Variants in NSMCE2 observed in about 807,000 individuals in gnomAD.
The protein encoded by NSMCE2 is E3 SUMO-protein ligase NSE2.
NSMCE2 carries 24 observed loss-of-function variants against 23.8 expected under a neutral mutation model. The ratio of observed to expected loss-of-function variants is 1.01; its 90% CI spans 0.73 to 1.42. NSMCE2 has a LOEUF of 1.42. NSMCE2 is among the 40% of genes most tolerant of loss of function. The probability of loss-of-function intolerance (pLI) is 0.00; values close to 1 mark genes in which losing one functional copy is unlikely to be tolerated. For synonymous variants in NSMCE2, 92 were observed against 94.1 expected (o/e 0.98, Z 0.13); for missense variants, 284 against 296.5 (o/e 0.96, Z 0.31).
chr8:125,257,323 G>A (rs1220945691), intron 5 of NSMCE2, among the ~76,000 whole-genome samples: 1 of 151,542 alleles, frequency 6.6e-6, no homozygotes, highest in Non-Finnish European at 1.5e-5. Context: ...AGGAAAATGT[G>A]CCCACAAAAG....
chr8:125,325,849 G>T (rs557473397), intron 5 of NSMCE2, among the ~76,000 whole-genome samples: 1 of 152,322 alleles, frequency 6.6e-6, no homozygotes, highest in South Asian at 2.1e-4. Flanking sequence ...CTACTTGGTA[G>T]TCTGAAGCAA....
chr8:125,262,197 A>G (rs1228896235), intron 5 of NSMCE2, among the ~76,000 whole-genome samples: 2 of 152,112 alleles, frequency 1.3e-5, no homozygotes, highest in East Asian at 1.9e-4. Context: ...AGGCTGAGGC[A>G]GGTGGATCGC....
chr8:125,283,235 G>C (rs940974059), intron 5 of NSMCE2, among the ~76,000 whole-genome samples: 1 of 152,154 alleles, frequency 6.6e-6, no homozygotes, highest in African/African-American at 2.4e-5. Context: ...TTTTAATTAA[G>C]AAAACACTGA....
At chr8:125,211,721 T>A (rs904818956) in intron 5 of NSMCE2, among the ~76,000 whole-genome samples, 1 of 152,234 alleles carries the variant, frequency 6.6e-6, no homozygotes, top group Admixed American at 6.5e-5. Flanking sequence ...GAGAGCCCAT[T>A]TTTCACACAC....
At chr8:125,366,637 A>T (rs1451894153) in intron 7 of NSMCE2, 131 bp from the exon 8 acceptor site, 1 of 660,806 alleles carries the variant, frequency 1.5e-6, no homozygotes, top group Non-Finnish European at 2.7e-6. Flanking sequence ...TAAATGAATG[A>T]GCACAGCTTG....
intron 1 of NSMCE2, among the ~76,000 whole-genome samples, chr8:125,095,531 C>T (rs1817885004): frequency 6.6e-6 from 1 of 152,012 alleles, no homozygotes; most frequent in African/African-American, 2.4e-5. Context: ...GAGGTTGAGG[C>T]TGTAGCGAGC....
intron 5 of NSMCE2, among the ~76,000 whole-genome samples, chr8:125,309,481 G>A (rs182015163): frequency 6.6e-5 from 10 of 152,250 alleles, no homozygotes; most frequent in African/African-American, 1.2e-4. Flanking sequence ...CCAGCACTTC[G>A]GGAGGCCAAT....
chr8:125,336,641 G>A (rs1242303702), intron 5 of NSMCE2, among the ~76,000 whole-genome samples: 10 of 152,224 alleles, frequency 6.6e-5, no homozygotes, highest in Admixed American at 6.5e-4. Flanking sequence ...CACATGGTTG[G>A]GTTCACAGTT....
chr8:125,172,269 A>G (rs59056247), intron 4 of NSMCE2, among the ~76,000 whole-genome samples: 14,250 of 152,184 alleles, frequency 0.094, 844 homozygotes, highest in South Asian at 0.17. Flanking sequence ...GAGGTGGCAT[A>G]TCTGTATTCT....
intron 4 of NSMCE2, among the ~76,000 whole-genome samples, chr8:125,166,920 T>C (rs964978251): frequency 1.3e-5 from 2 of 152,210 alleles, no homozygotes; most frequent in Non-Finnish European, 2.9e-5. Context: ...TCCTAGCTAC[T>C]CATGAGGCCA....
intron 3 of NSMCE2, among the ~76,000 whole-genome samples, chr8:125,150,426 C>CTTTTTTTTTTTTTTTTTTTTTT (rs71295819): frequency 7.8e-4 from 48 of 61,870 alleles, no homozygotes; most frequent in East Asian, 9.5e-4. Context: ...TTCTTTCTTT[C>CTTTTTTTTTTTTTTTTTTTTTT]TTTTTTTTTT....
intron 5 of NSMCE2, among the ~76,000 whole-genome samples, chr8:125,210,674 C>G (rs1025310830): frequency 2.0e-5 from 3 of 151,988 alleles, no homozygotes; most frequent in Admixed American, 2.0e-4. Context: ...GGTGCCTTCC[C>G]AGTTTTACCT....
intron 5 of NSMCE2, among the ~76,000 whole-genome samples, chr8:125,321,011 C>T (rs769424705): frequency 8.6e-5 from 13 of 151,848 alleles, no homozygotes; most frequent in Admixed American, 4.6e-4. Context: ...TTTCAACCAC[C>T]GGATCTCACA....
intron 5 of NSMCE2, among the ~76,000 whole-genome samples, chr8:125,209,892 A>AAT (rs1243835604): frequency 6.6e-6 from 1 of 152,362 alleles, no homozygotes; most frequent in East Asian, 1.9e-4. Context: ...AAGAGAATAT[A>AAT]TCACAGAGTG....
At chr8:125,117,810 T>G (rs1430459427) in intron 3 of NSMCE2, among the ~76,000 whole-genome samples, 1 of 152,220 alleles carries the variant, frequency 6.6e-6, no homozygotes. Flanking sequence ...CTTCAGAGTC[T>G]GGGACTTTAA....
chr8:125,284,320 A>G (rs1231441846), intron 5 of NSMCE2, among the ~76,000 whole-genome samples: 2 of 152,138 alleles, frequency 1.3e-5, no homozygotes, highest in African/African-American at 4.8e-5. Context: ...AAGAGTTCCA[A>G]ACTGTGGCTG....
At chr8:125,295,814 T>G (rs1244514395) in intron 5 of NSMCE2, among the ~76,000 whole-genome samples, 2 of 152,204 alleles carry the variant, frequency 1.3e-5, no homozygotes, top group Non-Finnish European at 2.9e-5. Context: ...TCTTTGTTTT[T>G]TAAGCTCTAA....
At position 125,106,955 on chromosome 8, in the gene NSMCE2, C is replaced by T. The variant is rs569108537; in HGVS notation, c.157+4468C>T. Among the ~76,000 whole-genome samples the T allele has an allele frequency of 1.7e-4, 26 of 151,402 alleles. No individual in the cohort carries two copies. The South Asian group carries it at 2.3e-3, about 13-fold the overall frequency. On this transcript the variant is annotated intron_variant, in intron 3 of 7. Coordinates refer to ENST00000287437, the MANE Select transcript of NSMCE2 (RefSeq NM_173685.4). ...AGGTTGCAGTGAGCCGAGATCACGC[C>T]ACTGCACTCCAGCCTAAGTGAAAGG...
intron 3 of NSMCE2, among the ~76,000 whole-genome samples, chr8:125,113,695 A>G (rs1272200825): frequency 6.6e-6 from 1 of 152,240 alleles, no homozygotes; most frequent in East Asian, 1.9e-4. Context: ...AATGAAATTC[A>G]TAATTCATTT....
Sources: allele counts gnomAD v4.1 joint callset (sites outside exome capture counted in the v4.1 genomes callset), GRCh38; gene constraint gnomAD v4.1.1; transcripts MANE v1.5; gene names NCBI Gene and HGNC (gene_info 2026-07-23, HGNC 2026-07-21).